Variants in RANBP2 observed in about 807,000 individuals in gnomAD.
RANBP2 encodes E3 SUMO-protein ligase RanBP2.
In RANBP2, 57 loss-of-function variants were observed where a neutral mutation model predicts 303.6. That is an observed-to-expected ratio of 0.19 (90% CI 0.15 to 0.23). The LOEUF (loss-of-function observed/expected upper bound fraction) is 0.23, where lower values mean the gene tolerates loss of function less well. Ranked by LOEUF, RANBP2 falls within the 10% of genes least tolerant of loss-of-function variation. The pLI is 1.00. For synonymous variants in RANBP2, 1,167 were observed against 1,301.5 expected (o/e 0.90, Z 2.23); for missense variants, 3,138 against 3,780.8 (o/e 0.83, Z 4.46).
chr2:109,036,300 T>G, the RANBP2 span, among the ~76,000 whole-genome samples: 1 of 152,136 alleles, frequency 6.6e-6, no homozygotes, highest in Non-Finnish European at 1.5e-5. Flanking sequence ...ACACTCTATC[T>G]CAGAAAGTAA....
the RANBP2 span, among the ~76,000 whole-genome samples, chr2:109,532,869 T>G: frequency 6.6e-6 from 1 of 152,306 alleles, no homozygotes; most frequent in African/African-American, 2.4e-5. Flanking sequence ...ACACAGGAGC[T>G]CTCACCATCT....
the RANBP2 span, chr2:109,419,731 GT>G: frequency 7.9e-7 from 1 of 1,263,120 alleles, no homozygotes; most frequent in Non-Finnish European, 1.1e-6. Flanking sequence ...TTTCCGCAGG[GT>G]TTTCCCATGT....
the RANBP2 span, among the ~76,000 whole-genome samples, chr2:108,920,056 C>G: frequency 6.6e-6 from 1 of 152,260 alleles, no homozygotes; most frequent in Admixed American, 6.5e-5. Context: ...TGGCCAGTCA[C>G]AGAGACACCT....
chr2:108,882,942 A>G, the RANBP2 span: 1 of 151,926 alleles, frequency 6.6e-6, no homozygotes, highest in East Asian at 1.9e-4. Flanking sequence ...GAGCATCGAG[A>G]TTAAAGGGTG....
chr2:109,417,487 C>T, the RANBP2 span, among the ~76,000 whole-genome samples: 2 of 152,232 alleles, frequency 1.3e-5, no homozygotes, highest in Non-Finnish European at 2.9e-5. Context: ...ACACGGTGCT[C>T]AGCCTTTCCT....
chr2:109,683,750 C>T, the RANBP2 span, among the ~76,000 whole-genome samples: 1 of 152,154 alleles, frequency 6.6e-6, no homozygotes, highest in Non-Finnish European at 1.5e-5. Context: ...GCACTCTCCA[C>T]CCGACCTTTT....
At chr2:108,999,585 A>G in the RANBP2 span, among the ~76,000 whole-genome samples, 1 of 152,162 alleles carries the variant, frequency 6.6e-6, no homozygotes, top group African/African-American at 2.4e-5. Context: ...AGCTTGCCAC[A>G]GTCTTGGATA....
the RANBP2 span, among the ~76,000 whole-genome samples, chr2:109,223,351 G>A: frequency 1.4e-4 from 22 of 152,204 alleles, no homozygotes; most frequent in African/African-American, 4.1e-4. Context: ...CAAGAGGGGC[G>A]TTCTGAAGCC....
chr2:109,732,307 G>T, the RANBP2 span, among the ~76,000 whole-genome samples: 1 of 152,112 alleles, frequency 6.6e-6, no homozygotes, highest in African/African-American at 2.4e-5. Context: ...AAAAATGTAC[G>T]TTGGGAACTG....
At chr2:109,562,799 C>A in the RANBP2 span, among the ~76,000 whole-genome samples, 1 of 152,130 alleles carries the variant, frequency 6.6e-6, no homozygotes, top group African/African-American at 2.4e-5. Context: ...GATGATTAAT[C>A]TTTAGTGAAG....
the RANBP2 span, among the ~76,000 whole-genome samples, chr2:109,410,160 G>A: frequency 2.6e-4 from 40 of 152,224 alleles, no homozygotes; most frequent in Non-Finnish European, 4.4e-5. Flanking sequence ...TGGCGGTTTA[G>A]AATCGGGGAA....
chr2:109,035,763 C>G, the RANBP2 span, among the ~76,000 whole-genome samples: 3 of 152,186 alleles, frequency 2.0e-5, no homozygotes, highest in African/African-American at 7.2e-5. Context: ...GGTGAGCACT[C>G]GAGCTGGGAG....
At chr2:109,554,179 T>C in the RANBP2 span, among the ~76,000 whole-genome samples, 2 of 152,140 alleles carry the variant, frequency 1.3e-5, no homozygotes, top group African/African-American at 4.8e-5. Flanking sequence ...CAGTGAGTGA[T>C]GGCAGTCATT....
the RANBP2 span, among the ~76,000 whole-genome samples, chr2:109,318,252 T>C: frequency 6.6e-5 from 10 of 152,066 alleles, no homozygotes; most frequent in Non-Finnish European, 1.5e-4. Context: ...CTTTGAAATT[T>C]GAGCGCAGCC....
chr2:109,547,439 C>G, the RANBP2 span, among the ~76,000 whole-genome samples: 2 of 120,382 alleles, frequency 1.7e-5, no homozygotes, highest in Admixed American at 1.0e-4. Context: ...AGGGGTTATT[C>G]TTCCCGTATA....
chr2:109,441,356 T>C, the RANBP2 span, among the ~76,000 whole-genome samples: 170 of 152,256 alleles, frequency 1.1e-3, no homozygotes, highest in African/African-American at 3.9e-3. Context: ...AGAGACATAA[T>C]AGACCCAAAT....
the RANBP2 span, among the ~76,000 whole-genome samples, chr2:109,645,068 C>T: frequency 2.0e-5 from 3 of 152,272 alleles, no homozygotes; most frequent in Admixed American, 1.3e-4. Context: ...CACAAGCCAG[C>T]GGGATCCTAA....
In RANBP2 at chr2:108,765,923, A is replaced by G; in HGVS notation, c.5384A>G (p.Glu1795Gly). The G allele has an allele frequency of 6.2e-7, 1 of 1,614,182 alleles. No individual in the cohort carries two copies. The highest frequency in any genetic ancestry group is 8.5e-7 in the Non-Finnish European group (1 of 1,180,000). Reference sequence around the variant, plus strand: ...TGTAGTGTTTGCTGTGTACAAAATGAGAGTTCTTCCTTAAAATGTGTGGCT... The same window carrying G: ...TGTAGTGTTTGCTGTGTACAAAATGGGAGTTCTTCCTTAAAATGTGTGGCT... ...WDCSVCCVQN[E>G]SSSLKCVACD... is the part of the protein sequence containing the mutation. The change falls in exon 20 of 29, where the codon GAG becomes GGG. Residue 1795 changes from glutamate (E) to glycine (G), a missense_variant. Transcript: ENST00000283195.
chr2:108,989,071 C>T, the RANBP2 span: 1 of 152,566 alleles, frequency 6.6e-6, no homozygotes, highest in Non-Finnish European at 1.5e-5. Context: ...CCGTGGCAGC[C>T]CTCTCAGAAG....
Sources: gnomAD v4.1 joint callset for allele counts (sites outside exome capture counted in the v4.1 genomes callset) on GRCh38, gnomAD v4.1.1 for gene constraint, MANE v1.5 for transcripts, NCBI Gene and HGNC (gene_info 2026-07-23, HGNC 2026-07-21) for gene names.